The following FBXO42 variants were observed in gnomAD, a reference collection of about 807,000 sequenced individuals.
The protein encoded by FBXO42 is F-box only protein 42.
FBXO42 carries 12 observed loss-of-function variants against 71.7 expected under a neutral mutation model. That is an observed-to-expected ratio of 0.17 (90% CI 0.11 to 0.27). The LOEUF is 0.27. Ranked by LOEUF, FBXO42 falls within the 10% of genes least tolerant of loss-of-function variation. The pLI is 1.00. For synonymous variants in FBXO42, 325 were observed against 327.5 expected (o/e 0.99, Z 0.08); for missense variants, 707 against 911.9 (o/e 0.78, Z 2.89).
intron 4 of FBXO42, among the ~76,000 whole-genome samples, chr1:16,265,903 T>C (rs1307257617): frequency 6.6e-6 from 1 of 152,116 alleles, no homozygotes; most frequent in Non-Finnish European, 1.5e-5. Flanking sequence ...TAGGCAATAA[T>C]AGCCAAATGT....
At chr1:16,306,481 CTTTTA>C (rs36215739) in intron 2 of FBXO42, among the ~76,000 whole-genome samples, 4,123 of 152,162 alleles carry the variant, frequency 0.027, 182 homozygotes, top group African/African-American at 0.09. Context: ...ACTCTAGTCC[CTTTTA>C]TTTTATCTCA....
At chr1:16,341,996 G>C (rs2082609773) in intron 1 of FBXO42, among the ~76,000 whole-genome samples, 1 of 150,984 alleles carries the variant, frequency 6.6e-6, no homozygotes, top group Non-Finnish European at 1.5e-5. Flanking sequence ...AAAGTTCTGG[G>C]CCAGGCGCAG....
At chr1:16,271,028 C>T (rs960890565) in intron 4 of FBXO42, among the ~76,000 whole-genome samples, 1 of 151,838 alleles carries the variant, frequency 6.6e-6, no homozygotes. Flanking sequence ...CAGAGGGAGA[C>T]ATATGAATAA....
chr1:16,268,459 C>A (rs1557575738), intron 4 of FBXO42, among the ~76,000 whole-genome samples: 1 of 152,184 alleles, frequency 6.6e-6, no homozygotes, highest in Non-Finnish European at 1.5e-5. Flanking sequence ...AACCTACTGG[C>A]TCTGCTTTCA....
At chr1:16,254,968 C>T (rs2081624598) in intron 6 of FBXO42, among the ~76,000 whole-genome samples, 1 of 152,174 alleles carries the variant, frequency 6.6e-6, no homozygotes, top group South Asian at 2.1e-4. Flanking sequence ...ATGCCCTTTA[C>T]ATGTGGCTCA....
At chr1:16,342,104 C>T (rs757143131) in intron 1 of FBXO42, among the ~76,000 whole-genome samples, 1 of 150,142 alleles carries the variant, frequency 6.7e-6, no homozygotes, top group African/African-American at 2.4e-5. Context: ...TGGCAAAACC[C>T]TAACTCTACA....
rs372973617 is a variant in FBXO42 at position 16,275,837 on chromosome 1, C to T, written c.502+18946G>A. Among the ~76,000 whole-genome samples, 10 of 151,860 alleles carry T rather than the reference C, an allele frequency of 6.6e-5. No homozygotes were observed. In the East Asian group the frequency reaches 1.4e-3, roughly 21 times the overall value. On this transcript the variant is annotated intron_variant, in intron 4 of 9. Transcript: ENST00000375592. ...CAGCCTGGCCAACATGGCAAAACCC[C>T]GTCTCTACTAAAAAAATTAGCCAGG...
At chr1:16,253,487 G>A (rs991976159) in intron 7 of FBXO42, 148 bp downstream of exon 7, 1 of 671,638 alleles carries the variant, frequency 1.5e-6, no homozygotes, top group South Asian at 2.0e-5. Context: ...CCCATTAGAA[G>A]TTGAAAAATA....
chr1:16,274,422 A>G (rs1459384427), intron 4 of FBXO42, among the ~76,000 whole-genome samples: 3 of 152,080 alleles, frequency 2.0e-5, no homozygotes, highest in Non-Finnish European at 4.4e-5. Flanking sequence ...GGAAAGGGGC[A>G]TGAGGGGGCT....
chr1:16,297,567 GAAGTC>G (rs1024629195), intron 3 of FBXO42, among the ~76,000 whole-genome samples: 1 of 152,088 alleles, frequency 6.6e-6, no homozygotes, highest in African/African-American at 2.4e-5. Context: ...ACTCTACTAA[GAAGTC>G]AAGTCCAGGC....
At chr1:16,305,337 A>G (rs2082238559) in intron 3 of FBXO42, among the ~76,000 whole-genome samples, 1 of 152,206 alleles carries the variant, frequency 6.6e-6, no homozygotes, top group East Asian at 1.9e-4. Context: ...GCAGTGACCC[A>G]TGATCACACC....
intron 4 of FBXO42, among the ~76,000 whole-genome samples, chr1:16,279,692 A>T (rs1569851431): frequency 6.6e-6 from 1 of 151,880 alleles, no homozygotes; most frequent in East Asian, 1.9e-4. Context: ...ACAAATGGGT[A>T]AAAGAGAATA....
chr1:16,332,010 T>G (rs1354976228), intron 1 of FBXO42, among the ~76,000 whole-genome samples: 1 of 151,838 alleles, frequency 6.6e-6, no homozygotes, highest in South Asian at 2.1e-4. Context: ...GATCGTGCCA[T>G]TGCACTCCAG....
At chr1:16,321,317 C>T (rs2082408007) in intron 1 of FBXO42, among the ~76,000 whole-genome samples, 1 of 152,172 alleles carries the variant, frequency 6.6e-6, no homozygotes, top group Admixed American at 6.6e-5. Flanking sequence ...TTGCATAGCC[C>T]TTCTTTTTCA....
At position 16,250,908 on chromosome 1, in the gene FBXO42, A is replaced by G. The variant is rs140414155; in HGVS notation, c.1916T>C (p.Met639Thr). 21 of 1,614,028 alleles carry G rather than the reference A, an allele frequency of 1.3e-5. No homozygotes were observed. The highest frequency in any genetic ancestry group is 1.2e-4 in the African/African-American group (9 of 74,892). Residue 639 changes from methionine (M) to threonine (T), a missense_variant, in exon 10 of 10, where the codon ATG (methionine) becomes ACG (threonine). Physicochemically the swap from Met to Thr is moderately conservative, Grantham distance 81. Around this residue, in one of 5 missense-constraint regions of FBXO42, gnomAD observed 482 missense variants for 587.1 expected, o/e 0.82. Coordinates refer to ENST00000375592, the MANE Select transcript of FBXO42 (RefSeq NM_018994.3). The surrounding 1 kb of genome is among the most constrained non-coding windows in gnomAD (Gnocchi z 4.7). ...GTACATCTGCATGGGCTTGCAGTTC[A>G]TACTCTGGTATAGGGGTTTGCCAAC... is the stretch of plus-strand genomic sequence containing the variant. ...LNVGKPLYQSMNCKPMQMYVL... is the reference protein window; with the variant it reads ...LNVGKPLYQSTNCKPMQMYVL...
chr1:16,314,862 C>T (rs905505288), intron 2 of FBXO42, among the ~76,000 whole-genome samples: 75 of 148,414 alleles, frequency 5.1e-4, no homozygotes, highest in African/African-American at 1.7e-3. Context: ...CCAGCCTGGG[C>T]GACAGAGTGA....
chr1:16,277,202 T>C (rs993581920), intron 4 of FBXO42, among the ~76,000 whole-genome samples: 1 of 152,216 alleles, frequency 6.6e-6, no homozygotes, highest in Non-Finnish European at 1.5e-5. Context: ...CCTCTTGTTA[T>C]ACTGTCTGAT....
chr1:16,326,683 C>CAAAA (rs397860543), intron 1 of FBXO42, among the ~76,000 whole-genome samples: 1 of 103,116 alleles, frequency 9.7e-6, no homozygotes, highest in Non-Finnish European at 2.0e-5. Context: ...AACCCTGTCT[C>CAAAA]AAAAAAAAAA....
intron 2 of FBXO42, among the ~76,000 whole-genome samples, chr1:16,313,245 A>G (rs989338265): frequency 6.9e-6 from 1 of 144,570 alleles, no homozygotes; most frequent in Non-Finnish European, 1.5e-5. Context: ...GTACTAGGGT[A>G]GGGTTCTTCT....
Sources: allele counts gnomAD v4.1 joint callset (sites outside exome capture counted in the v4.1 genomes callset), GRCh38; gene constraint gnomAD v4.1.1; regional missense constraint gnomAD v4.1.1; non-coding constraint Gnocchi (gnomAD v3.1); transcripts MANE v1.5; gene names NCBI Gene and HGNC (gene_info 2026-07-23, HGNC 2026-07-21).